YAF2: variants seen among roughly 807,000 people sequenced by gnomAD.
YAF2 encodes YY1 associated factor 2, also known as YY1-associated factor 2.
In YAF2, 7 loss-of-function variants were observed where a neutral mutation model predicts 20.1. The ratio of observed to expected loss-of-function variants is 0.35; its 90% confidence interval spans 0.20 to 0.65. YAF2 has a LOEUF of 0.65. Ranked by LOEUF, YAF2 falls within the 30% of genes least tolerant of loss-of-function variation. YAF2 has a pLI of 0.69. For synonymous variants in YAF2, 74 were observed against 76.0 expected (o/e 0.97, Z 0.14); for missense variants, 151 against 219.2 (o/e 0.69, Z 1.96).
chr12:42,218,864 G>C (rs2067436034), intron 2 of YAF2, among the ~76,000 whole-genome samples: 1 of 151,866 alleles, frequency 6.6e-6, no homozygotes. Context: ...GAAGATGAGT[G>C]GGGGGAAAAA....
chr12:42,201,256 T>C (rs993078700), intron 2 of YAF2, among the ~76,000 whole-genome samples: 1 of 152,240 alleles, frequency 6.6e-6, no homozygotes, highest in Non-Finnish European at 1.5e-5. Flanking sequence ...AATCAACTGC[T>C]AGATAACAGA....
At chr12:42,196,289 A>G (rs890771717) in intron 2 of YAF2, among the ~76,000 whole-genome samples, 1 of 150,844 alleles carries the variant, frequency 6.6e-6, no homozygotes, top group Non-Finnish European at 1.5e-5. Flanking sequence ...CAGAGATTAG[A>G]GTGTGTGTAA....
At chr12:42,234,296 T>C (rs1395611989) in intron 2 of YAF2, 1 of 985,288 alleles carries the variant, frequency 1.0e-6, no homozygotes, top group African/African-American at 1.7e-5. Flanking sequence ...CCGTGGCATT[T>C]TGTTTCCTTT....
intron 2 of YAF2, among the ~76,000 whole-genome samples, chr12:42,225,450 G>C (rs922123805): frequency 6.6e-6 from 1 of 152,146 alleles, no homozygotes; most frequent in Non-Finnish European, 1.5e-5. Flanking sequence ...CCTATGTCCT[G>C]AATAGTTTTT....
chr12:42,204,611 A>G (rs1295343127), intron 2 of YAF2, among the ~76,000 whole-genome samples: 2 of 152,248 alleles, frequency 1.3e-5, no homozygotes, highest in Non-Finnish European at 2.9e-5. Context: ...ACACAGGACT[A>G]TAATAGTTCA....
At chr12:42,237,508 C>T in intron 2 of YAF2, 91 bp downstream of exon 2, 1 of 1,378,380 alleles carries the variant, frequency 7.3e-7, no homozygotes, top group Non-Finnish European at 9.4e-7. Context: ...GCCGGGTCCG[C>T]CAGTGTCATG....
chr12:42,222,763 T>TC (rs1406443137), intron 2 of YAF2, among the ~76,000 whole-genome samples: 1 of 152,134 alleles, frequency 6.6e-6, no homozygotes, highest in Non-Finnish European at 1.5e-5. Context: ...GATTTTTTTT[T>TC]CCTTTTCTTT....
chr12:42,179,789 C>CAAAAAAAAAAAAAAAA (rs71084622), intron 2 of YAF2, among the ~76,000 whole-genome samples: 2 of 85,130 alleles, frequency 2.3e-5, no homozygotes, highest in Non-Finnish European at 4.5e-5. Context: ...GTCTAAAAGG[C>CAAAAAAAAAAAAAAAA]AAAAAAAAAA....
intron 2 of YAF2, among the ~76,000 whole-genome samples, chr12:42,183,427 A>G (rs529788623): frequency 1.3e-5 from 2 of 152,336 alleles, no homozygotes; most frequent in East Asian, 3.9e-4. Context: ...AGATGTGACT[A>G]TAAAGAAAAG....
intron 2 of YAF2, among the ~76,000 whole-genome samples, chr12:42,197,219 G>A (rs1210618610): frequency 6.6e-6 from 1 of 152,212 alleles, no homozygotes; most frequent in Non-Finnish European, 1.5e-5. Context: ...AGCAGTCACT[G>A]CTGCCACGTG....
chr12:42,228,018 G>A (rs1343814345), intron 2 of YAF2, among the ~76,000 whole-genome samples: 1 of 133,496 alleles, frequency 7.5e-6, no homozygotes, highest in Non-Finnish European at 1.6e-5. Flanking sequence ...CCAGGAGGGA[G>A]GTGGGGGGTC....
intron 2 of YAF2, among the ~76,000 whole-genome samples, chr12:42,226,955 G>C (rs1427829128): frequency 6.7e-6 from 1 of 149,556 alleles, no homozygotes; most frequent in Non-Finnish European, 1.5e-5. Context: ...GGTTGGCGCG[G>C]CTGCGCTGCG....
At chr12:42,208,304 T>C (rs1451938580) in intron 2 of YAF2, among the ~76,000 whole-genome samples, 1 of 152,024 alleles carries the variant, frequency 6.6e-6, no homozygotes, top group East Asian at 1.9e-4. Flanking sequence ...CAGATGCTTG[T>C]AATCCCAGCT....
At chr12:42,238,011 C>A in intron 1 of YAF2, 144 bp downstream of exon 1, 8 of 660,496 alleles carry the variant, frequency 1.2e-5, no homozygotes, top group Non-Finnish European at 1.7e-5. Context: ...CGCCGGCCCC[C>A]TCAAGCGGCA....
chr12:42,192,147 T>C (rs778862753), intron 2 of YAF2, among the ~76,000 whole-genome samples: 2 of 151,338 alleles, frequency 1.3e-5, no homozygotes, highest in Non-Finnish European at 2.9e-5. Flanking sequence ...TGGAGAAAAA[T>C]TACATGAGAT....
chr12:42,219,340 GAAGCCTGCTCTTTCAC>G (rs2137291559), intron 2 of YAF2, among the ~76,000 whole-genome samples: 1 of 152,134 alleles, frequency 6.6e-6, no homozygotes, highest in East Asian at 1.9e-4. Context: ...CTTATTTCCT[GAAGCCTGCTCTTTCAC>G]AGAAGGCTTC....
chr12:42,209,237 C>T (rs1592006756), intron 2 of YAF2, among the ~76,000 whole-genome samples: 1 of 150,158 alleles, frequency 6.7e-6, no homozygotes, highest in African/African-American at 2.5e-5. Flanking sequence ...ACATTGAAAA[C>T]TGTCATTAAG....
chr12:42,224,900 G>C (rs2067643107), intron 2 of YAF2, among the ~76,000 whole-genome samples: 1 of 152,170 alleles, frequency 6.6e-6, no homozygotes, highest in South Asian at 2.1e-4. Context: ...CCAGTAATGA[G>C]ACTGCTGGAT....
intron 2 of YAF2, 157 bp downstream of exon 2, chr12:42,237,423 CGCAAACCATCGCCTGGGTT>C: frequency 7.7e-7 from 1 of 1,299,054 alleles, no homozygotes; most frequent in South Asian, 1.9e-5. Context: ...TACCCCTCAC[CGCAAACCATCGCCTGGGTT>C]GCGATCAATG....
Sources: allele counts gnomAD v4.1 joint callset (sites outside exome capture counted in the v4.1 genomes callset), GRCh38; gene constraint gnomAD v4.1.1; transcripts MANE v1.5; gene names NCBI Gene and HGNC (gene_info 2026-07-23, HGNC 2026-07-21).